The following NRXN3 variants were observed in gnomAD, a reference collection of about 807,000 sequenced individuals.
NRXN3 encodes neurexin III.
A neutral mutation model predicts 137.6 loss-of-function variants in NRXN3; 32 were observed. The observed-to-expected ratio is 0.23, with a 90% CI of 0.18 to 0.31. NRXN3 has a LOEUF of 0.31. Among genes scored for constraint, NRXN3 ranks in the 10% least tolerant of loss-of-function variants. The pLI, the probability that NRXN3 is intolerant of heterozygous loss-of-function variation, is 1.00. For missense variants in NRXN3, 1,574 were observed against 2,062.5 expected, an observed-to-expected ratio of 0.76 and a Z score of 4.59; for synonymous variants, 798 against 784.5, an observed-to-expected ratio of 1.02 and a Z score of -0.29.
At position 79,606,460 on chromosome 14, in the gene NRXN3, G is replaced by T. The variant is rs143843964; in HGVS notation, c.3445-57318G>T. The stretch of plus-strand genomic sequence containing the variant: ...ACATTATCTGTATCTATAATTATCA[G>T]TAGCTGCTGGCATTATGTGAGCATG... On this transcript the variant is annotated intron_variant, in intron 16 of 20. Transcript: ENST00000335750. 1.6e-3 allele frequency among the ~76,000 whole-genome samples: 248 copies of T among 152,240 alleles called. 1 individual carries two copies. Among genetic ancestry groups the T allele is most frequent in the African/African-American group, 5.4e-3 (224 of 41,540 alleles).
chr14:78,242,836 C>G lies in NRXN3; in HGVS notation c.-258C>G. 4.0e-5 allele frequency: 18 copies of G among 444,782 alleles called. No homozygotes were observed. Among genetic ancestry groups the G allele is most frequent in the Middle Eastern group, 5.8e-4 (1 of 1,726 alleles). 27.6% of individuals were successfully genotyped at this position (444,782 alleles called of 1,614,324 possible). A position where few individuals can be genotyped will look rare whatever the true frequency, so the allele number is the denominator to read the frequency against. On this transcript the variant is annotated 5_prime_UTR_variant, in exon 2 of 21. Transcript: ENST00000335750. ...GTCCCTCACTTCCCCACCTGATTTT[C>G]CTCCTCTTCTGCTGGTCCTGTCTTT...
chr14:78,300,594 C>T, intron 4 of NRXN3: 2 of 978,452 alleles, frequency 2.0e-6, no homozygotes, highest in Non-Finnish European at 3.1e-6. Context: ...ATGTTTGACT[C>T]TCCTTGCTCT....
intron 19 of NRXN3, among the ~76,000 whole-genome samples, chr14:79,700,829 G>A (rs2098751972): frequency 6.6e-6 from 1 of 151,996 alleles, no homozygotes; most frequent in Admixed American, 6.6e-5. Flanking sequence ...CCTGGCTGAT[G>A]TTAATTTACT....
intron 15 of NRXN3, among the ~76,000 whole-genome samples, chr14:79,185,739 AC>A (rs2063470945): frequency 6.6e-6 from 1 of 152,206 alleles, no homozygotes; most frequent in Non-Finnish European, 1.5e-5. Flanking sequence ...TGCTGGGATT[AC>A]AGGCGTGAGC....
At chr14:78,259,197 G>A (rs928378708) in intron 2 of NRXN3, among the ~76,000 whole-genome samples, 1 of 151,966 alleles carries the variant, frequency 6.6e-6, no homozygotes, top group Non-Finnish European at 1.5e-5. Context: ...TCTCATATGC[G>A]GTGATGACGA....
chr14:79,110,859 T>C (rs1364168051), intron 15 of NRXN3, among the ~76,000 whole-genome samples: 1 of 151,920 alleles, frequency 6.6e-6, no homozygotes, highest in Non-Finnish European at 1.5e-5. Flanking sequence ...GGTGTGATCT[T>C]GGCTCACTGC....
intron 10 of NRXN3, among the ~76,000 whole-genome samples, chr14:78,869,107 GA>G (rs993161579): frequency 2.0e-5 from 3 of 152,074 alleles, no homozygotes; most frequent in Non-Finnish European, 4.4e-5. Flanking sequence ...TAGACAAAAA[GA>G]AAGATATCCT....
At position 79,400,877 on chromosome 14, in the gene NRXN3, G is replaced by T. The variant is rs144660240; in HGVS notation, c.3263-66344G>T. 1.6e-3 allele frequency among the ~76,000 whole-genome samples: 242 copies of T among 152,278 alleles called. 1 individual carries two copies. Among genetic ancestry groups the T allele is most frequent in the African/African-American group, 5.5e-3 (227 of 41,564 alleles). ...TGTTGCATATAGCCCCCCGTAACAA[G>T]CCTCCTTGTTGTCTTTTGTGTTCCT... On this transcript the variant is annotated intron_variant, in intron 15 of 20. Coordinates refer to ENST00000335750, the MANE Select transcript of NRXN3 (RefSeq NM_001330195.2).
intron 16 of NRXN3, among the ~76,000 whole-genome samples, chr14:79,514,885 C>T (rs185052386): frequency 1.4e-5 from 2 of 141,562 alleles, no homozygotes; most frequent in Admixed American, 1.4e-4. Flanking sequence ...TTTCTCTCAC[C>T]GATTCTGTCT....
intron 1 of NRXN3, among the ~76,000 whole-genome samples, chr14:78,237,848 G>A (rs2066521778): frequency 6.6e-6 from 1 of 152,176 alleles, no homozygotes; most frequent in Non-Finnish European, 1.5e-5. Flanking sequence ...TTCCAGTCCT[G>A]GTGAGGGCAG....
chr14:79,528,424 C>T (rs1328876730), intron 16 of NRXN3, among the ~76,000 whole-genome samples: 1 of 152,122 alleles, frequency 6.6e-6, no homozygotes, highest in Non-Finnish European at 1.5e-5. Context: ...TGTTGAATTA[C>T]ATCAACAGAT....
chr14:78,943,896 A>G (rs1567779830), intron 10 of NRXN3, among the ~76,000 whole-genome samples: 2 of 151,494 alleles, frequency 1.3e-5, no homozygotes, highest in Non-Finnish European at 2.9e-5. Context: ...CTGGTTGGGG[A>G]TATGGATAAC....
intron 4 of NRXN3, among the ~76,000 whole-genome samples, chr14:78,329,199 C>T (rs999704326): frequency 6.6e-6 from 1 of 152,146 alleles, no homozygotes; most frequent in Non-Finnish European, 1.5e-5. Context: ...ACTCACTTTG[C>T]TCTAAATTCT....
intron 15 of NRXN3, among the ~76,000 whole-genome samples, chr14:79,174,458 T>A (rs944747859): frequency 6.6e-6 from 1 of 150,612 alleles, no homozygotes; most frequent in African/African-American, 2.4e-5. Flanking sequence ...CAGCTTTTTT[T>A]TAAAAAAGAT....
intron 4 of NRXN3, among the ~76,000 whole-genome samples, chr14:78,368,473 G>A (rs1242258346): frequency 2.6e-5 from 4 of 152,168 alleles, no homozygotes; most frequent in Non-Finnish European, 4.4e-5. Context: ...CACTTTGGGA[G>A]GCCGAGGTGG....
At chr14:78,309,516 A>C (rs1438199887) in intron 4 of NRXN3, among the ~76,000 whole-genome samples, 1 of 151,936 alleles carries the variant, frequency 6.6e-6, no homozygotes, top group East Asian at 1.9e-4. Context: ...ATGTGTACTC[A>C]ATGTTTAGAG....
chr14:79,714,831 T>C (rs2098818045), intron 19 of NRXN3, among the ~76,000 whole-genome samples: 1 of 152,224 alleles, frequency 6.6e-6, no homozygotes, highest in African/African-American at 2.4e-5. Flanking sequence ...ACATTTTCCT[T>C]ACCTCAGCAT....
rs77093668 is a variant in NRXN3, at chr14:79,154,198, G to T, written c.3262+166057G>T. ...ATTCACTTAGCTTGCAATGTGAATGGCTTCTCTCTTCTAGAGGTGCTCAAG... is the reference window on the plus strand; with the variant it reads ...ATTCACTTAGCTTGCAATGTGAATGTCTTCTCTCTTCTAGAGGTGCTCAAG... On this transcript the variant is annotated intron_variant, in intron 15 of 20. Coordinates refer to ENST00000335750, the MANE Select transcript of NRXN3 (RefSeq NM_001330195.2). Among the ~76,000 whole-genome samples, 264 of 152,086 alleles carry T rather than the reference G, an allele frequency of 1.7e-3. 2 individuals carry two copies. Among genetic ancestry groups the T allele is most frequent in the African/African-American group, 6.0e-3 (249 of 41,540 alleles).
At chr14:79,847,768 G>C (rs1445235291) in intron 20 of NRXN3, among the ~76,000 whole-genome samples, 5 of 152,052 alleles carry the variant, frequency 3.3e-5, no homozygotes, top group Non-Finnish European at 7.4e-5. Context: ...AGTAAGATGA[G>C]GACATAAAGG....
Sources: gnomAD v4.1 joint callset for allele counts (sites outside exome capture counted in the v4.1 genomes callset) on GRCh38, gnomAD v4.1.1 for gene constraint, MANE v1.5 for transcripts, NCBI Gene and HGNC (gene_info 2026-07-23, HGNC 2026-07-21) for gene names.